EDC3: variants seen among roughly 807,000 people sequenced by gnomAD.
EDC3 encodes enhancer of mRNA-decapping protein 3.
A neutral mutation model predicts 41.8 loss-of-function variants in EDC3; 20 were observed. The observed-to-expected ratio is 0.48, with a 90% CI of 0.34 to 0.70. EDC3 has a LOEUF of 0.70. Ranked by LOEUF, EDC3 falls within the 30% of genes least tolerant of loss-of-function variation. The probability of loss-of-function intolerance (pLI) is 0.01; values close to 1 mark genes in which losing one functional copy is unlikely to be tolerated. For missense variants in EDC3, 444 were observed against 636.8 expected, an observed-to-expected ratio of 0.70 and a Z score of 3.26; for synonymous variants, 206 against 243.2, an observed-to-expected ratio of 0.85 and a Z score of 1.42.
At chr15:74,675,259 AT>A (rs2062789766) in intron 1 of EDC3, 117 bp from the exon 2 acceptor site, 1 of 899,322 alleles carries the variant, frequency 1.1e-6, no homozygotes. Context: ...ATTCTATCAC[AT>A]TGTTAACTGA....
intron 5 of EDC3, 26 bp from the exon 6 acceptor site, chr15:74,635,652 A>G: frequency 6.2e-7 from 1 of 1,602,288 alleles, no homozygotes; most frequent in South Asian, 1.1e-5. Context: ...AAGAAGCAGT[A>G]TCAGCTACAT....
chr15:74,647,938 G>A (rs2062436014), intron 4 of EDC3, among the ~76,000 whole-genome samples: 1 of 152,150 alleles, frequency 6.6e-6, no homozygotes, highest in Admixed American at 6.5e-5. Context: ...TAACATCCTT[G>A]TGGCACCTGA....
At chr15:74,648,013 G>A (rs2062437086) in intron 4 of EDC3, among the ~76,000 whole-genome samples, 1 of 152,162 alleles carries the variant, frequency 6.6e-6, no homozygotes, top group Admixed American at 6.5e-5. Flanking sequence ...GACAAGGCAG[G>A]ACCCTGCATG....
chr15:74,675,171 C>A, intron 1 of EDC3, 29 bp from the exon 2 acceptor site: 1 of 1,595,492 alleles, frequency 6.3e-7, no homozygotes, highest in Non-Finnish European at 8.6e-7. Flanking sequence ...ATTCAGTGTG[C>A]CTTGGTGAAA....
At chr15:74,675,779 G>C (rs1263358379) in intron 1 of EDC3, among the ~76,000 whole-genome samples, 4 of 151,448 alleles carry the variant, frequency 2.6e-5, no homozygotes, top group African/African-American at 4.9e-5. Flanking sequence ...TACCCGGGAA[G>C]CTGAGGCAGG....
intron 5 of EDC3, chr15:74,636,797 G>A (rs1236720564): frequency 6.6e-6 from 1 of 152,216 alleles, no homozygotes; most frequent in Non-Finnish European, 1.5e-5. Flanking sequence ...GCATTTAGAG[G>A]AAATATGATG....
At position 74,635,536 on chromosome 15, in the gene EDC3, C is replaced by A; in HGVS notation, c.1065G>T (p.Arg355Ser). 6.2e-7 allele frequency: 1 copy of A among 1,614,266 alleles called. No homozygotes were observed. Among genetic ancestry groups the A allele is most frequent in the Non-Finnish European group, 8.5e-7 (1 of 1,180,052 alleles). ...VKGAQGISCGRHLANHDVQVI... is the reference protein window; with the variant it reads ...VKGAQGISCGSHLANHDVQVI... ...CCTGGACATCATGGTTGGCTAGGTGCCTTCCACAGCTGATACCCTGAGCCC... is the reference window on the plus strand; with the variant it reads ...CCTGGACATCATGGTTGGCTAGGTGACTTCCACAGCTGATACCCTGAGCCC... Residue 355 changes from arginine to serine, a missense_variant, in exon 6 of 7, where the codon AGG becomes AGT. Physicochemically the swap from Arg to Ser is moderately radical, Grantham distance 110 (BLOSUM62 -1). Coordinates refer to ENST00000315127, the MANE Select transcript of EDC3 (RefSeq NM_025083.5).
At chr15:74,691,614 G>A (rs1315647424) in intron 1 of EDC3, among the ~76,000 whole-genome samples, 1 of 151,996 alleles carries the variant, frequency 6.6e-6, no homozygotes, top group Non-Finnish European at 1.5e-5. Context: ...TGCAAGCAAG[G>A]GAATCAACTT....
chr15:74,695,473 T>C (rs1422656120), intron 1 of EDC3: 1 of 152,136 alleles, frequency 6.6e-6, no homozygotes, highest in Non-Finnish European at 1.5e-5. Context: ...CTCCAGTTCA[T>C]CTCCGTCCTC....
At chr15:74,645,253 C>T (rs901198188) in intron 4 of EDC3, 1 of 152,026 alleles carries the variant, frequency 6.6e-6, no homozygotes, top group Non-Finnish European at 1.5e-5. Context: ...GTTTTGCATA[C>T]GGAGTATATT....
chr15:74,693,380 T>G (rs2063030378), intron 1 of EDC3, among the ~76,000 whole-genome samples: 1 of 152,134 alleles, frequency 6.6e-6, no homozygotes, highest in Admixed American at 6.5e-5. Context: ...TTATACATGC[T>G]TCCTTCATTT....
intron 3 of EDC3, among the ~76,000 whole-genome samples, chr15:74,656,706 C>T (rs2062553063): frequency 6.6e-6 from 1 of 152,110 alleles, no homozygotes; most frequent in Non-Finnish European, 1.5e-5. Flanking sequence ...AGACTGTGGC[C>T]CAAAGTGAGA....
chr15:74,670,209 C>A (rs1398738623), intron 3 of EDC3, among the ~76,000 whole-genome samples: 1 of 151,796 alleles, frequency 6.6e-6, no homozygotes, highest in African/African-American at 2.4e-5. Flanking sequence ...AGTACAAAAC[C>A]ATCTAAGTAA....
Position 74,682,997 on chromosome 15 carries a change from G to A in EDC3, c.-18-7855C>T, listed in dbSNP as rs554308246. On this transcript the variant is annotated intron_variant, in intron 1 of 6. Coordinates refer to ENST00000315127, the MANE Select transcript of EDC3 (RefSeq NM_025083.5). Reference sequence around the variant, plus strand: ...AGATCGCACCACTGCACTCCATTCTGGGCAACAAGAGCGAAACTCTGTCTC... The same window carrying A: ...AGATCGCACCACTGCACTCCATTCTAGGCAACAAGAGCGAAACTCTGTCTC... Among the ~76,000 whole-genome samples, 6 of 152,040 alleles carry A rather than the reference G, an allele frequency of 3.9e-5. No individual in the cohort carries two copies. In the East Asian group the frequency reaches 1.2e-3, roughly 29 times the overall value.
At chr15:74,665,513 C>A (rs1664955864) in intron 3 of EDC3, among the ~76,000 whole-genome samples, 1 of 152,190 alleles carries the variant, frequency 6.6e-6, no homozygotes, top group Admixed American at 6.5e-5. Context: ...ATGAATTATA[C>A]CCATACACAG....
At chr15:74,643,838 A>C (rs2062382327) in intron 4 of EDC3, 1 of 152,180 alleles carries the variant, frequency 6.6e-6, no homozygotes, top group Non-Finnish European at 1.5e-5. Flanking sequence ...TTTAATTGGA[A>C]AGGCTGCATG....
intron 4 of EDC3, among the ~76,000 whole-genome samples, chr15:74,653,526 G>C (rs1404531202): frequency 2.0e-5 from 3 of 152,072 alleles, no homozygotes; most frequent in Non-Finnish European, 4.4e-5. Context: ...TTGGCAAAAG[G>C]GCTTCCTTTC....
chr15:74,656,040 C>T lies in EDC3; in HGVS notation c.513G>A (p.Gln171=). The change falls in exon 4 of 7, where the codon CAG becomes CAA. Residue 171 remains glutamine (Q), a synonymous_variant. Coordinates refer to ENST00000315127, the MANE Select transcript of EDC3 (RefSeq NM_025083.5). Reference sequence around the variant, plus strand: ...TTAAACCACTTTTCTTGGGAGTTGCCTGATTTGGGTGCCTGCTACTAGATG... The same window carrying T: ...TTAAACCACTTTTCTTGGGAGTTGCTTGATTTGGGTGCCTGCTACTAGATG... The part of the protein sequence containing the change: ...SWSSSSRHPN[Q]ATPKKSGLKN... The T allele has an allele frequency of 3.1e-6, 5 of 1,612,092 alleles. No homozygotes were observed. The highest frequency in any genetic ancestry group is 4.2e-6 in the Non-Finnish European group (5 of 1,178,874).
intron 1 of EDC3, among the ~76,000 whole-genome samples, chr15:74,686,004 C>T (rs2062932799): frequency 6.6e-6 from 1 of 152,036 alleles, no homozygotes; most frequent in Non-Finnish European, 1.5e-5. Flanking sequence ...ACCAGCCTGA[C>T]CAACATGATG....
Sources: gnomAD v4.1 joint callset for allele counts (sites outside exome capture counted in the v4.1 genomes callset) on GRCh38, gnomAD v4.1.1 for gene constraint, MANE v1.5 for transcripts, NCBI Gene and HGNC (gene_info 2026-07-23, HGNC 2026-07-21) for gene names.